Variants in SLC2A13 observed in about 807,000 individuals in gnomAD.
SLC2A13 encodes solute carrier family 2 member 13.
In SLC2A13, 32 loss-of-function variants were observed where a neutral mutation model predicts 64.4. The observed-to-expected ratio is 0.50, with a 90% CI of 0.37 to 0.67. The LOEUF (loss-of-function observed/expected upper bound fraction) is 0.67, where lower values mean the gene tolerates loss of function less well. SLC2A13 is among the 30% of genes least tolerant of loss of function. SLC2A13 has a pLI of 0.00. For synonymous variants in SLC2A13, 338 were observed against 327.1 expected (o/e 1.03, Z -0.36); for missense variants, 743 against 829.2 (o/e 0.90, Z 1.28).
intron 3 of SLC2A13, among the ~76,000 whole-genome samples, chr12:40,004,335 C>A (rs576852789): frequency 1.3e-4 from 20 of 152,156 alleles, no homozygotes; most frequent in African/African-American, 4.8e-4. Flanking sequence ...CAGGAATGTG[C>A]CACCATGCCT....
intron 2 of SLC2A13, among the ~76,000 whole-genome samples, chr12:40,036,247 TTA>T (rs1039982408): frequency 6.6e-6 from 1 of 152,272 alleles, no homozygotes; most frequent in Non-Finnish European, 1.5e-5. Context: ...GCAGAAACAT[TTA>T]TGTTATTCAT....
intron 4 of SLC2A13, among the ~76,000 whole-genome samples, chr12:39,915,244 C>A (rs754471430): frequency 6.6e-6 from 1 of 151,902 alleles, no homozygotes; most frequent in Non-Finnish European, 1.5e-5. Context: ...ATATTAAATA[C>A]ATTACATTGT....
intron 7 of SLC2A13, among the ~76,000 whole-genome samples, chr12:39,796,068 A>G (rs1437222503): frequency 6.6e-6 from 1 of 152,052 alleles, no homozygotes. Flanking sequence ...TCTGGCAACT[A>G]CTAATCTACT....
At chr12:40,059,339 A>C (rs902850011) in intron 1 of SLC2A13, among the ~76,000 whole-genome samples, 1 of 152,208 alleles carries the variant, frequency 6.6e-6, no homozygotes, top group Non-Finnish European at 1.5e-5. Context: ...ACTGGATGAC[A>C]GATAGATAAG....
intron 1 of SLC2A13, among the ~76,000 whole-genome samples, chr12:40,098,477 T>A (rs1235222143): frequency 6.6e-6 from 1 of 152,186 alleles, no homozygotes; most frequent in African/African-American, 2.4e-5. Context: ...GTTAAGAGTA[T>A]AAATGTTATG....
chr12:39,861,514 C>T lies in SLC2A13; in HGVS notation c.1319+3248G>A, dbSNP rs114781545. On this transcript the variant is annotated intron_variant, in intron 6 of 9. Transcript: ENST00000280871. The stretch of plus-strand genomic sequence containing the variant: ...TGAGATCACACCATAAATAATAATA[C>T]GTCAAGTATTTGAGGGAAGCGTACA... Among the ~76,000 whole-genome samples, 80 of 152,192 alleles carry T rather than the reference C, an allele frequency of 5.3e-4. 1 individual carries two copies. The highest frequency in any genetic ancestry group is 1.9e-3 in the African/African-American group (77 of 41,528).
At chr12:39,987,817 GTAT>G (rs1400087855) in intron 3 of SLC2A13, among the ~76,000 whole-genome samples, 1 of 151,648 alleles carries the variant, frequency 6.6e-6, no homozygotes. Flanking sequence ...TGCTTATTTT[GTAT>G]TATTATTCTA....
chr12:40,093,238 ATAGAG>A (rs964500800), intron 1 of SLC2A13, among the ~76,000 whole-genome samples: 7 of 152,224 alleles, frequency 4.6e-5, no homozygotes, highest in Non-Finnish European at 1.5e-5. Context: ...GTTTGAAACC[ATAGAG>A]TAGTGTCAGA....
chr12:40,003,199 A>G (rs904683662), intron 3 of SLC2A13, among the ~76,000 whole-genome samples: 2 of 152,226 alleles, frequency 1.3e-5, no homozygotes, highest in Non-Finnish European at 2.9e-5. Flanking sequence ...AATAAAGTTA[A>G]TTTTTTAAAA....
chr12:39,979,955 T>A (rs1433602743), intron 3 of SLC2A13, among the ~76,000 whole-genome samples: 1 of 147,426 alleles, frequency 6.8e-6, no homozygotes, highest in African/African-American at 2.5e-5. Flanking sequence ...GGGAAGCCCA[T>A]CAGACTAACA....
intron 3 of SLC2A13, among the ~76,000 whole-genome samples, chr12:39,956,395 A>G (rs1946314760): frequency 6.6e-6 from 1 of 152,194 alleles, no homozygotes; most frequent in Non-Finnish European, 1.5e-5. Context: ...TGGTGTTCAC[A>G]TATGCCAGCG....
intron 1 of SLC2A13, among the ~76,000 whole-genome samples, chr12:40,069,501 C>T (rs139903936): frequency 3.5e-4 from 53 of 152,104 alleles, no homozygotes; most frequent in African/African-American, 1.2e-3. Flanking sequence ...GAACTATGGT[C>T]TCCAGTATAA....
At chr12:39,967,997 C>T (rs950128000) in intron 3 of SLC2A13, among the ~76,000 whole-genome samples, 1 of 152,120 alleles carries the variant, frequency 6.6e-6, no homozygotes, top group Non-Finnish European at 1.5e-5. Flanking sequence ...TGCAAATTAC[C>T]TCAAAAATCT....
intron 4 of SLC2A13, among the ~76,000 whole-genome samples, chr12:39,893,094 G>T (rs1433656948): frequency 6.6e-6 from 1 of 152,012 alleles, no homozygotes; most frequent in East Asian, 1.9e-4. Context: ...TTCCTATTGA[G>T]AAAACTAATC....
intron 2 of SLC2A13, among the ~76,000 whole-genome samples, chr12:40,044,696 T>A (rs1196175236): frequency 1.3e-5 from 2 of 152,180 alleles, no homozygotes; most frequent in Admixed American, 1.3e-4. Context: ...AACAATTTAT[T>A]TCTATGATAT....
intron 7 of SLC2A13, 24 bp from the exon 8 acceptor site, chr12:39,764,882 ATTAAC>A (rs756234678): frequency 2.5e-6 from 4 of 1,604,748 alleles, no homozygotes; most frequent in Non-Finnish European, 2.6e-6. Flanking sequence ...CAATATAAGT[ATTAAC>A]TTAATGTTTT....
At chr12:39,995,207 A>G (rs1947207211) in intron 3 of SLC2A13, among the ~76,000 whole-genome samples, 1 of 152,240 alleles carries the variant, frequency 6.6e-6, no homozygotes, top group African/African-American at 2.4e-5. Context: ...ATTCTGATAC[A>G]TGCATACAAT....
At chr12:39,884,446 C>T (rs984253132) in intron 4 of SLC2A13, among the ~76,000 whole-genome samples, 6 of 152,184 alleles carry the variant, frequency 3.9e-5, no homozygotes, top group Non-Finnish European at 7.3e-5. Flanking sequence ...AAATAAGTCA[C>T]AGTAATAAAT....
At chr12:40,028,262 T>C (rs1460032706) in intron 3 of SLC2A13, 39 bp downstream of exon 3, 1 of 1,493,424 alleles carries the variant, frequency 6.7e-7, no homozygotes, top group East Asian at 2.3e-5. Flanking sequence ...AAGACCACTG[T>C]ATAGTTTTTA....
Sources: allele counts gnomAD v4.1 joint callset (sites outside exome capture counted in the v4.1 genomes callset), GRCh38; gene constraint gnomAD v4.1.1; transcripts MANE v1.5; gene names NCBI Gene and HGNC (gene_info 2026-07-23, HGNC 2026-07-21).